The following EIF4E2 variants were observed in gnomAD, a reference collection of about 807,000 sequenced individuals.
EIF4E2 encodes eukaryotic translation initiation factor 4E type 2.
EIF4E2 carries 13 observed loss-of-function variants against 34.2 expected under a neutral mutation model. The ratio of observed to expected loss-of-function variants is 0.38; its 90% CI spans 0.25 to 0.60. The LOEUF (loss-of-function observed/expected upper bound fraction) is 0.60. EIF4E2 is among the 20% of genes least tolerant of loss of function. EIF4E2 has a pLI of 0.62. For missense variants in EIF4E2, 222 were observed against 315.1 expected, an observed-to-expected ratio of 0.70 and a Z score of 2.24; for synonymous variants, 100 against 106.6, an observed-to-expected ratio of 0.94 and a Z score of 0.38.
At chr2:232,557,116 G>A (rs1215413271) in intron 2 of EIF4E2, among the ~76,000 whole-genome samples, 3 of 152,124 alleles carry the variant, frequency 2.0e-5, no homozygotes, top group Non-Finnish European at 2.9e-5. Flanking sequence ...GCTGTGGCGC[G>A]TGCCTGAAGT....
chr2:232,568,458 T>C lies in EIF4E2; in HGVS notation c.666-487T>C, dbSNP rs544674784. On this transcript the variant is annotated intron_variant, in intron 6 of 6. Transcript: ENST00000258416. ...TTAGCATTGCTTTACTCTGGGCACATTTTTCTTATTCTCTATTCTGGGATA... is the reference window on the plus strand; with the variant it reads ...TTAGCATTGCTTTACTCTGGGCACACTTTTCTTATTCTCTATTCTGGGATA... 1.6e-4 allele frequency: 154 copies of C among 985,294 alleles called. 2 individuals are homozygous for C. The South Asian group carries it at 6.3e-3, about 40-fold the overall frequency. The allele number at this position is 985,294 out of a possible 1,614,324, so 61.0% of individuals were successfully genotyped here.
At chr2:232,557,787 A>T in intron 2 of EIF4E2, 97 bp from the exon 3 acceptor site, 2 of 1,372,562 alleles carry the variant, frequency 1.5e-6, no homozygotes, top group Admixed American at 2.0e-5. Context: ...TCCTTTTTTA[A>T]TTGTGGAGGT....
chr2:232,567,923 A>T (rs3791712), intron 6 of EIF4E2: 463,413 of 984,314 alleles, frequency 0.47, 109,759 homozygotes, highest in South Asian at 0.61. Flanking sequence ...AGCTGGAGGG[A>T]GAGCTAGCCA....
chr2:232,562,171 C>T (rs1180344786), intron 3 of EIF4E2, among the ~76,000 whole-genome samples: 1 of 151,830 alleles, frequency 6.6e-6, no homozygotes, highest in Non-Finnish European at 1.5e-5. Flanking sequence ...GCCATGATCA[C>T]ACTGCTGCAC....
In EIF4E2 at chr2:232,553,051, T is replaced by C. The variant is rs576774301; in HGVS notation, c.20+2307T>C. 3.6e-3 allele frequency among the ~76,000 whole-genome samples: 547 copies of C among 152,288 alleles called. 3 individuals are homozygous for C. Among genetic ancestry groups the C allele is most frequent in the African/African-American group, 0.013 (535 of 41,570 alleles). On this transcript the variant is annotated intron_variant, in intron 1 of 6. Transcript: ENST00000258416. The stretch of plus-strand genomic sequence containing the variant: ...GTCCAGTGGCTGGAGCTGAGTACAG[T>C]AGTATATAATCTAATGGGCTCATAT...
chr2:232,578,410 A>C (rs1693269211), intron 6 of EIF4E2, among the ~76,000 whole-genome samples: 1 of 152,194 alleles, frequency 6.6e-6, no homozygotes. Flanking sequence ...AGGTGGGCGG[A>C]TCATGAGGTC....
chr2:232,570,097 A>G (rs1357588780), downstream of EIF4E2, among the ~76,000 whole-genome samples: 1 of 152,176 alleles, frequency 6.6e-6, no homozygotes, highest in Non-Finnish European at 1.5e-5. Flanking sequence ...GATCTGTGAA[A>G]GTGTCTGTGG....
chr2:232,555,807 A>G (rs889350792), intron 1 of EIF4E2, among the ~76,000 whole-genome samples: 2 of 152,208 alleles, frequency 1.3e-5, no homozygotes, highest in East Asian at 1.9e-4. Context: ...GCTGTACTTT[A>G]TCTTAGAGGG....
At chr2:232,577,860 G>T (rs1693259454) in intron 6 of EIF4E2, among the ~76,000 whole-genome samples, 1 of 152,204 alleles carries the variant, frequency 6.6e-6, no homozygotes, top group South Asian at 2.1e-4. Flanking sequence ...ACTCACTGTG[G>T]ATTTGCTAAA....
chr2:232,571,721 C>T (rs1559321607), downstream of EIF4E2, among the ~76,000 whole-genome samples: 1 of 152,182 alleles, frequency 6.6e-6, no homozygotes, highest in Non-Finnish European at 1.5e-5. Flanking sequence ...TATTTCAACA[C>T]TGAACTTTTA....
At chr2:232,554,712 C>T (rs1422332639) in intron 1 of EIF4E2, among the ~76,000 whole-genome samples, 1 of 152,102 alleles carries the variant, frequency 6.6e-6, no homozygotes, top group Admixed American at 6.5e-5. Flanking sequence ...AATGAAACTC[C>T]CCTCCATTTT....
chr2:232,564,102 A>C (rs560962448), intron 3 of EIF4E2, 145 bp from the exon 4 acceptor site: 12 of 454,116 alleles, frequency 2.6e-5, no homozygotes, highest in African/African-American at 2.4e-4. Context: ...TCACAACACC[A>C]CACATGAAAA....
In EIF4E2 at chr2:232,569,140, G is replaced by A. The variant is rs1574673309; in HGVS notation, c.*123G>A. ...AAGAGGAATTGGAAGAGCATTTTAT[G>A]TTTTAAGAACAGGCTGACACGCAGC... On this transcript the variant is annotated 3_prime_UTR_variant, in exon 7 of 7. Coordinates refer to ENST00000258416, the MANE Select transcript of EIF4E2 (RefSeq NM_004846.4). The A allele has an allele frequency of 5.3e-6, 8 of 1,499,516 alleles. No individual in the cohort carries two copies. Among genetic ancestry groups the A allele is most frequent in the Non-Finnish European group, 6.2e-6 (7 of 1,123,766 alleles). The allele number at this position is 1,499,516 out of a possible 1,614,324, so 92.9% of individuals were successfully genotyped here. A position where few individuals can be genotyped will look rare whatever the true frequency, so the allele number is the denominator to read the frequency against.
At chr2:232,568,119 C>CT in intron 6 of EIF4E2, 1 of 985,396 alleles carries the variant, frequency 1.0e-6, no homozygotes, top group Middle Eastern at 5.2e-4. Flanking sequence ...ATGGAGAATG[C>CT]TTTTACGGGG....
intron 6 of EIF4E2, among the ~76,000 whole-genome samples, chr2:232,579,123 TACACACACACACACACACACACAC>T (rs71056276): frequency 1.4e-5 from 2 of 146,518 alleles, no homozygotes; most frequent in Admixed American, 6.9e-5. Context: ...AACTCAGAAA[TACACACACACACACACACACACAC>T]ACACACACAC....
At position 232,581,755 on chromosome 2, in the gene EIF4E2, C is replaced by A. The variant is rs187822069; in HGVS notation, c.*812C>A. ...GAAATCATTTTCCCATATGAGCAGA[C>A]CCTGTGTGTCAGGCCTGTTTCCCAT... On this transcript the variant is annotated 3_prime_UTR_variant, in exon 7 of 7. Transcript: ENST00000409098. This position sits in a 1 kb window ranked among gnomAD's most constrained non-coding sequence, Gnocchi z 5.2. 1 of 153,126 alleles carries A rather than the reference C, an allele frequency of 6.5e-6. No homozygotes were observed. Among genetic ancestry groups the A allele is most frequent in the African/African-American group, 2.4e-5 (1 of 41,560 alleles). The allele number at this position is 153,126 out of a possible 1,614,324, so 9.5% of individuals were successfully genotyped here.
Position 232,552,426 on chromosome 2 carries a change from C to T in EIF4E2, c.20+1682C>T, listed in dbSNP as rs554547859. Among the ~76,000 whole-genome samples the T allele has an allele frequency of 9.9e-5, 15 of 152,122 alleles. No homozygotes were observed. In the East Asian group the frequency reaches 2.5e-3, roughly 25 times the overall value. The stretch of plus-strand genomic sequence containing the variant: ...CGGGGTTTCGCCATGTTGCCCAGGC[C>T]GATCTCGAACTCGGGCTCAAGAGAT... On this transcript the variant is annotated intron_variant, in intron 1 of 6. Transcript: ENST00000258416.
chr2:232,555,768 G>T (rs62191569), intron 1 of EIF4E2, among the ~76,000 whole-genome samples: 1,666 of 152,330 alleles, frequency 0.011, 15 homozygotes, highest in Admixed American at 0.026. Flanking sequence ...TGGCTGGCAG[G>T]AGTCAGATTC....
chr2:232,560,239 A>G (rs1046150905), intron 3 of EIF4E2, among the ~76,000 whole-genome samples: 1 of 152,206 alleles, frequency 6.6e-6, no homozygotes, highest in Admixed American at 6.5e-5. Flanking sequence ...TACCAAGACA[A>G]TAACCGGGGA....
Sources: gnomAD v4.1 joint callset for allele counts (sites outside exome capture counted in the v4.1 genomes callset) on GRCh38, gnomAD v4.1.1 for gene constraint, Gnocchi (gnomAD v3.1) non-coding constraint, MANE v1.5 for transcripts, NCBI Gene and HGNC (gene_info 2026-07-23, HGNC 2026-07-21) for gene names.